CLMN: variants seen among roughly 807,000 people sequenced by gnomAD.
CLMN encodes the protein calmin (calponin-like, transmembrane).
A neutral mutation model predicts 92.7 loss-of-function variants in CLMN; 57 were observed. That is an observed-to-expected ratio of 0.61 (90% confidence interval 0.50 to 0.77). The LOEUF is 0.77. CLMN is among the 30% of genes least tolerant of loss of function. The probability of loss-of-function intolerance (pLI) is 0.00; values close to 1 mark genes in which losing one functional copy is unlikely to be tolerated. For synonymous variants in CLMN, 466 were observed against 470.6 expected (o/e 0.99, Z 0.13); for missense variants, 1,158 against 1,237.5 (o/e 0.94, Z 0.96).
chr14:95,292,452 A>ACCCCCACCTCCACCCCCC (rs1566917529), intron 1 of CLMN, among the ~76,000 whole-genome samples: 1 of 25,574 alleles, frequency 3.9e-5, no homozygotes, highest in Non-Finnish European at 9.3e-5. Context: ...CCCCACCCCC[A>ACCCCCACCTCCACCCCCC]CCTCCACCCC....
At chr14:95,279,102 C>G (rs1900045358) in intron 1 of CLMN, among the ~76,000 whole-genome samples, 1 of 152,124 alleles carries the variant, frequency 6.6e-6, no homozygotes, top group South Asian at 2.1e-4. Context: ...TAAAAGAGCT[C>G]TACTTAATTG....
intron 1 of CLMN, among the ~76,000 whole-genome samples, chr14:95,266,509 A>C (rs568223083): frequency 3.3e-5 from 5 of 152,334 alleles, no homozygotes; most frequent in South Asian, 4.1e-4. Context: ...AGATGGCTAC[A>C]AGGAAAACTA....
intron 2 of CLMN, among the ~76,000 whole-genome samples, chr14:95,224,165 T>A (rs982594943): frequency 6.6e-6 from 1 of 152,224 alleles, no homozygotes; most frequent in Non-Finnish European, 1.5e-5. Context: ...ATCCACATGC[T>A]TAAGGGCAGA....
intron 1 of CLMN, among the ~76,000 whole-genome samples, chr14:95,293,338 C>T (rs1311007715): frequency 1.1e-3 from 100 of 87,514 alleles, no homozygotes; most frequent in African/African-American, 4.6e-3. Context: ...CCTTCCTTCC[C>T]TCCCTCCCTC....
In CLMN at chr14:95,253,762, G is replaced by A. The variant is rs569802090; in HGVS notation, c.83-23629C>T. The stretch of plus-strand genomic sequence containing the variant: ...CCAGTAGCTGGGACTACAGGTGCCC[G>A]CCACCACTCCTGGCTAATTTTTTTT... On this transcript the variant is annotated intron_variant, in intron 1 of 12. Coordinates refer to ENST00000298912, the MANE Select transcript of CLMN (RefSeq NM_024734.4). Among the ~76,000 whole-genome samples the A allele has an allele frequency of 3.6e-4, 54 of 151,962 alleles. 2 individuals carry two copies. In the South Asian group the frequency reaches 0.01, roughly 29 times the overall value.
intron 1 of CLMN, among the ~76,000 whole-genome samples, chr14:95,311,770 C>T (rs1376389493): frequency 6.6e-6 from 1 of 152,142 alleles, no homozygotes; most frequent in Non-Finnish European, 1.5e-5. Context: ...ACATGCTCCC[C>T]TACCCTGTGG....
At chr14:95,223,696 G>T in intron 3 of CLMN, 64 bp downstream of exon 3, 2 of 1,314,116 alleles carry the variant, frequency 1.5e-6, no homozygotes, top group Non-Finnish European at 1.1e-6. Flanking sequence ...GTGTTGAAAA[G>T]AAAACCTCAG....
At chr14:95,235,838 C>T (rs182839892) in intron 1 of CLMN, among the ~76,000 whole-genome samples, 165 of 152,228 alleles carry the variant, frequency 1.1e-3, no homozygotes, top group African/African-American at 3.7e-3. Flanking sequence ...GGGGGTGAGA[C>T]GTGGCTTCAT....
chr14:95,296,181 G>C (rs1421621043), intron 1 of CLMN: 1 of 152,278 alleles, frequency 6.6e-6, no homozygotes, highest in Non-Finnish European at 1.5e-5. Context: ...GAATCTGCTG[G>C]TGCATCATCC....
chr14:95,266,862 G>T lies in CLMN; in HGVS notation c.83-36729C>A, dbSNP rs113960636. 6.4e-3 allele frequency among the ~76,000 whole-genome samples: 981 copies of T among 152,162 alleles called. 6 individuals carry two copies. The highest frequency in any genetic ancestry group is 0.023 in the African/African-American group (941 of 41,524). Reference sequence around the variant, plus strand: ...AAAAGACACAAAGACCAATGAAACAGAATAGAGAACCCAGAAATAAATCAT... The same window carrying T: ...AAAAGACACAAAGACCAATGAAACATAATAGAGAACCCAGAAATAAATCAT... On this transcript the variant is annotated intron_variant, in intron 1 of 12. Transcript: ENST00000298912.
At position 95,191,578 on chromosome 14, in the gene CLMN, C is replaced by T. The variant is rs769996417; in HGVS notation, c.2995G>A (p.Val999Ile). The part of the protein sequence containing the change: ...YCLLLFPQLD[V>I]SRL The stretch of plus-strand genomic sequence containing the variant: ...AGACACACGTATCAGAGCCTGCTAA[C>T]ATCCAGTTGTGGGAAGAGCAGCAAG... Residue 999 changes from valine (V) to isoleucine (I), a missense_variant, in exon 13 of 13, where the codon GTT becomes ATT. Physicochemically the swap from Val to Ile is conservative, Grantham distance 29. Transcript: ENST00000298912. This position sits in a 1 kb window ranked among gnomAD's most constrained non-coding sequence, Gnocchi z 5.3. The T allele has an allele frequency of 6.2e-7, 1 of 1,612,744 alleles. No individual in the cohort carries two copies. The highest frequency in any genetic ancestry group is 8.5e-7 in the Non-Finnish European group (1 of 1,179,490).
In CLMN at chr14:95,215,789, G is replaced by A. The variant is rs993625669; in HGVS notation, c.325-56C>T. 6 of 1,266,796 alleles carry A rather than the reference G, an allele frequency of 4.7e-6. No homozygotes were observed. In the Admixed American group the frequency reaches 8.4e-5, roughly 18 times the overall value. 78.5% of individuals were successfully genotyped at this position (1,266,796 alleles called of 1,614,324 possible). ...GAGGTGTCCAGGGAGGATAACATAT[G>A]TTATTTTCTGGTTCTCTCTCTCTCT... On this transcript the variant is annotated intron_variant, in intron 4 of 12. Transcript: ENST00000298912.
At chr14:95,288,871 G>T (rs1473973714) in intron 1 of CLMN, among the ~76,000 whole-genome samples, 2 of 152,192 alleles carry the variant, frequency 1.3e-5, no homozygotes, top group East Asian at 3.9e-4. Flanking sequence ...ACACAGCAAT[G>T]AAAAAGAATT....
At chr14:95,244,986 T>TACACACAC (rs201945657) in intron 1 of CLMN, among the ~76,000 whole-genome samples, 2 of 114,516 alleles carry the variant, frequency 1.7e-5, no homozygotes, top group African/African-American at 6.7e-5. Context: ...CATATATGTG[T>TACACACAC]ATACACACAC....
At chr14:95,211,301 C>G (rs924085804) in intron 6 of CLMN, among the ~76,000 whole-genome samples, 11 of 152,202 alleles carry the variant, frequency 7.2e-5, no homozygotes, top group Non-Finnish European at 1.3e-4. Flanking sequence ...ACCTACCTCT[C>G]TGAGCCTCAA....
At chr14:95,317,654 T>C (rs1901849758) in intron 1 of CLMN, among the ~76,000 whole-genome samples, 1 of 151,604 alleles carries the variant, frequency 6.6e-6, no homozygotes, top group African/African-American at 2.4e-5. Flanking sequence ...TATATCAGGT[T>C]CTAGCGGCAA....
At chr14:95,223,947 C>T in intron 2 of CLMN, 92 bp from the exon 3 acceptor site, 1 of 894,018 alleles carries the variant, frequency 1.1e-6, no homozygotes, top group South Asian at 1.6e-5. Context: ...CAAGAGAAAA[C>T]TTCCAAACAT....
chr14:95,265,911 G>C (rs1191239549), intron 1 of CLMN, among the ~76,000 whole-genome samples: 1 of 152,206 alleles, frequency 6.6e-6, no homozygotes, highest in Admixed American at 6.5e-5. Context: ...CTTGGCAGCT[G>C]CAACAACCAG....
At chr14:95,196,142 T>C (rs533799580) in intron 10 of CLMN, among the ~76,000 whole-genome samples, 2 of 152,300 alleles carry the variant, frequency 1.3e-5, no homozygotes, top group Admixed American at 6.5e-5. Flanking sequence ...GGTCAACCTG[T>C]AGTTGTCTGG....
Sources: allele counts gnomAD v4.1 joint callset (sites outside exome capture counted in the v4.1 genomes callset), GRCh38; gene constraint gnomAD v4.1.1; non-coding constraint Gnocchi (gnomAD v3.1); transcripts MANE v1.5; gene names NCBI Gene and HGNC (gene_info 2026-07-23, HGNC 2026-07-21).